Variants in MORC1 observed in about 807,000 individuals in gnomAD.
MORC1 encodes MORC family CW-type zinc finger protein 1.
Under a neutral mutation model 134.9 loss-of-function variants are expected in MORC1, and 59 were observed. The ratio of observed to expected loss-of-function variants is 0.44; its 90% CI spans 0.35 to 0.54. MORC1 has a LOEUF of 0.54. Among genes scored for constraint, MORC1 ranks in the 20% least tolerant of loss-of-function variants. The pLI is 0.00. For missense variants in MORC1, 947 were observed against 1,134.5 expected (o/e 0.83, Z 2.37); for synonymous variants, 395 against 391.7 (o/e 1.01, Z -0.10).
intron 3 of MORC1, among the ~76,000 whole-genome samples, chr3:109,109,107 TC>T (rs1042569163): frequency 2.6e-5 from 4 of 152,140 alleles, no homozygotes; most frequent in Non-Finnish European, 5.9e-5. Context: ...TCCCTCCCTT[TC>T]ATCATTCAGG....
chr3:108,974,164 C>T (rs549730545), intron 24 of MORC1, among the ~76,000 whole-genome samples: 1 of 152,230 alleles, frequency 6.6e-6, no homozygotes. Flanking sequence ...AATAGCTTCT[C>T]CCTTGGAGAT....
At chr3:109,041,227 C>T (rs1423343605) in intron 14 of MORC1, among the ~76,000 whole-genome samples, 5 of 151,510 alleles carry the variant, frequency 3.3e-5, no homozygotes, top group African/African-American at 9.7e-5. Flanking sequence ...AGGAAAATGG[C>T]GTGAATCTGG....
intron 25 of MORC1, 32 bp from the exon 26 acceptor site, chr3:108,969,754 T>C (rs1418853920): frequency 6.3e-7 from 1 of 1,598,076 alleles, no homozygotes. Context: ...GAACAGGATA[T>C]TAGCTTTTAG....
At chr3:108,996,276 G>GACA (rs1553745289) in intron 21 of MORC1, among the ~76,000 whole-genome samples, 140 of 76,942 alleles carry the variant, frequency 1.8e-3, no homozygotes, top group Admixed American at 8.2e-3. Context: ...GCGCGTGCGT[G>GACA]CGCGCGCGCG....
intron 17 of MORC1, among the ~76,000 whole-genome samples, chr3:109,007,432 G>T (rs545531033): frequency 6.6e-6 from 1 of 152,238 alleles, no homozygotes; most frequent in East Asian, 1.9e-4. Flanking sequence ...AGAGTACAGG[G>T]TCTGGAAGGA....
chr3:109,038,191 C>G (rs1214688364), intron 14 of MORC1, among the ~76,000 whole-genome samples: 1 of 152,104 alleles, frequency 6.6e-6, no homozygotes, highest in Non-Finnish European at 1.5e-5. Flanking sequence ...CTCTGATGAG[C>G]AGTGATGATG....
chr3:109,012,157 G>T (rs1304180915), intron 17 of MORC1, among the ~76,000 whole-genome samples: 1 of 150,630 alleles, frequency 6.6e-6, no homozygotes, highest in Non-Finnish European at 1.5e-5. Context: ...GTTATTTTGG[G>T]GGATATATGG....
intron 3 of MORC1, among the ~76,000 whole-genome samples, chr3:109,106,579 T>A (rs1385951305): frequency 1.3e-5 from 2 of 152,168 alleles, no homozygotes; most frequent in Non-Finnish European, 2.9e-5. Context: ...CCTCCTCGTT[T>A]CCTGTTCAAT....
chr3:109,043,280 C>G (rs879797321), intron 14 of MORC1, among the ~76,000 whole-genome samples: 3 of 149,964 alleles, frequency 2.0e-5, no homozygotes, highest in Non-Finnish European at 4.4e-5. Flanking sequence ...ACTTTGAGGA[C>G]ATTATGCTAA....
intron 26 of MORC1, 36 bp from the exon 27 acceptor site, chr3:108,963,644 T>A: frequency 7.4e-7 from 1 of 1,350,296 alleles, no homozygotes. Flanking sequence ...AGCATGTTTT[T>A]AAAATATTAC....
At position 108,986,792 on chromosome 3, in the gene MORC1, A is replaced by G; in HGVS notation, c.2257+88T>C. On this transcript the variant is annotated intron_variant, in intron 22 of 27. Transcript: ENST00000232603. ...AATCCAAGTTGCTGACAAACTTCTG[A>G]TCTATATATCAGGCTGTCAAGCCAT... The G allele has an allele frequency of 5.5e-6, 5 of 904,272 alleles. No homozygotes were observed. In the South Asian group the frequency reaches 7.5e-5, roughly 14 times the overall value. 56.0% of individuals were successfully genotyped at this position (904,272 alleles called of 1,614,324 possible). A position where few individuals can be genotyped will look rare whatever the true frequency, so the allele number is the denominator to read the frequency against.
chr3:109,019,695 C>T lies in MORC1; in HGVS notation c.1704+8056G>A, dbSNP rs532116169. On this transcript the variant is annotated intron_variant, in intron 17 of 27. Transcript: ENST00000232603. ...CTCATCCACAAAATAGGAATCATAA[C>T]AATCATAGCATTGTAATAAGGATTA... Among the ~76,000 whole-genome samples the T allele has an allele frequency of 2.4e-4, 37 of 152,312 alleles. No individual in the cohort carries two copies. In the South Asian group the frequency reaches 6.4e-3, roughly 26 times the overall value.
intron 21 of MORC1, among the ~76,000 whole-genome samples, chr3:108,997,917 T>C (rs944490525): frequency 1.6e-4 from 24 of 152,152 alleles, no homozygotes; most frequent in African/African-American, 5.6e-4. Context: ...TTTATTAACA[T>C]AGCAAAAACA....
chr3:109,115,312 T>G (rs867561506), intron 1 of MORC1, among the ~76,000 whole-genome samples: 3 of 141,730 alleles, frequency 2.1e-5, no homozygotes, highest in Non-Finnish European at 3.0e-5. Flanking sequence ...CACTTTAGTT[T>G]AAAATGTATT....
chr3:108,990,898 TTCTCTCTCTCTC>T (rs34333221), intron 21 of MORC1, among the ~76,000 whole-genome samples: 1 of 145,756 alleles, frequency 6.9e-6, no homozygotes, highest in Non-Finnish European at 1.5e-5. Context: ...GTTTCTCTCT[TTCTCTCTCTCTC>T]TCTCTCTCTC....
At chr3:109,028,874 G>C (rs142587987) in intron 16 of MORC1, among the ~76,000 whole-genome samples, 1 of 152,130 alleles carries the variant, frequency 6.6e-6, no homozygotes, top group Non-Finnish European at 1.5e-5. Context: ...TCAGTTCTTC[G>C]AGCCCACTCT....
chr3:108,977,074 A>G (rs1947583985), intron 24 of MORC1, among the ~76,000 whole-genome samples: 1 of 152,212 alleles, frequency 6.6e-6, no homozygotes, highest in Non-Finnish European at 1.5e-5. Flanking sequence ...ACACTCAGAC[A>G]GGTCTCTCTA....
chr3:109,078,666 G>T (rs577507110), intron 8 of MORC1, among the ~76,000 whole-genome samples: 1 of 151,684 alleles, frequency 6.6e-6, no homozygotes, highest in African/African-American at 2.4e-5. Flanking sequence ...ATCCAAAAAA[G>T]ATATAAGAAA....
chr3:109,103,981 CT>C, intron 3 of MORC1, 64 bp from the exon 4 acceptor site: 1 of 1,390,862 alleles, frequency 7.2e-7, no homozygotes, highest in Non-Finnish European at 1.0e-6. Context: ...GAAAGTCATG[CT>C]GCTAGAATAA....
Sources: allele counts gnomAD v4.1 joint callset (sites outside exome capture counted in the v4.1 genomes callset), GRCh38; gene constraint gnomAD v4.1.1; transcripts MANE v1.5; gene names NCBI Gene and HGNC (gene_info 2026-07-23, HGNC 2026-07-21).